The following NSRP1 variants were observed in gnomAD, a reference collection of about 807,000 sequenced individuals.
NSRP1 encodes the protein coiled-coil domain containing 55.
A neutral mutation model predicts 54.7 loss-of-function variants in NSRP1; 24 were observed. The ratio of observed to expected loss-of-function variants is 0.44; its 90% CI spans 0.32 to 0.62. The LOEUF (loss-of-function observed/expected upper bound fraction) is 0.62. NSRP1 is among the 20% of genes least tolerant of loss of function. The pLI, the probability that NSRP1 is intolerant of heterozygous loss-of-function variation, is 0.06. For missense variants in NSRP1, 596 were observed against 651.2 expected (o/e 0.92, Z 0.92); for synonymous variants, 210 against 213.8 (o/e 0.98, Z 0.15).
At chr17:30,181,405 T>C (rs531922362) in intron 6 of NSRP1, among the ~76,000 whole-genome samples, 144 of 149,048 alleles carry the variant, frequency 9.7e-4, no homozygotes, top group African/African-American at 3.4e-3. Context: ...TTTCTTTTTT[T>C]TTTTTTTTTT....
At chr17:30,144,955 G>A (rs938450037) in intron 2 of NSRP1, among the ~76,000 whole-genome samples, 2 of 152,060 alleles carry the variant, frequency 1.3e-5, no homozygotes, top group Non-Finnish European at 2.9e-5. Context: ...GTGCTACCTG[G>A]ATATCTGTGT....
chr17:30,162,276 C>T (rs1003227344), intron 2 of NSRP1, among the ~76,000 whole-genome samples: 4 of 152,284 alleles, frequency 2.6e-5, no homozygotes, highest in Admixed American at 1.3e-4. Context: ...ATGATCCACC[C>T]GCCTTGGCCT....
chr17:30,161,972 T>G (rs1054737293), intron 2 of NSRP1, among the ~76,000 whole-genome samples: 1 of 152,132 alleles, frequency 6.6e-6, no homozygotes, highest in African/African-American at 2.4e-5. Flanking sequence ...TTTAATATAG[T>G]TAAGAGTCAT....
intron 5 of NSRP1, among the ~76,000 whole-genome samples, chr17:30,180,637 G>T (rs1303485990): frequency 6.6e-6 from 1 of 152,084 alleles, no homozygotes; most frequent in Non-Finnish European, 1.5e-5. Flanking sequence ...TCATACTTTA[G>T]GGCTTTTTGT....
chr17:30,169,057 A>T (rs561186549), intron 2 of NSRP1: 4 of 152,008 alleles, frequency 2.6e-5, no homozygotes, highest in African/African-American at 9.7e-5. Flanking sequence ...TGTTTTTTCA[A>T]CGGTCATACT....
At chr17:30,173,682 A>G (rs777606762) in intron 3 of NSRP1, among the ~76,000 whole-genome samples, 7 of 152,232 alleles carry the variant, frequency 4.6e-5, no homozygotes, top group African/African-American at 7.2e-5. Flanking sequence ...AATTCTTACA[A>G]TAATTCTATG....
At chr17:30,119,661 C>T (rs906227041) in intron 2 of NSRP1, among the ~76,000 whole-genome samples, 1 of 152,156 alleles carries the variant, frequency 6.6e-6, no homozygotes, top group Non-Finnish European at 1.5e-5. Context: ...CACCACCACG[C>T]CTGGCTAATT....
intron 3 of NSRP1, 172 bp from the exon 4 acceptor site, chr17:30,177,899 C>A: frequency 1.3e-6 from 1 of 745,222 alleles, no homozygotes; most frequent in Non-Finnish European, 2.3e-6. Flanking sequence ...GTAGAGCCAG[C>A]ATTCATACCC....
chr17:30,153,547 C>T (rs1478262295), intron 2 of NSRP1, among the ~76,000 whole-genome samples: 2 of 152,162 alleles, frequency 1.3e-5, no homozygotes, highest in African/African-American at 4.8e-5. Context: ...TCCCTCTCTT[C>T]CACCTGCTGC....
intron 2 of NSRP1, among the ~76,000 whole-genome samples, chr17:30,169,814 A>C (rs1017485199): frequency 2.0e-5 from 3 of 151,882 alleles, no homozygotes; most frequent in Admixed American, 2.0e-4. Flanking sequence ...GTCTGTGGTC[A>C]TAGAGAACTA....
chr17:30,140,023 CA>C (rs1328204198), intron 2 of NSRP1, among the ~76,000 whole-genome samples: 1 of 150,048 alleles, frequency 6.7e-6, no homozygotes, highest in Admixed American at 6.6e-5. Context: ...GACTCCGTCT[CA>C]AAAAAAAAGA....
At chr17:30,140,598 G>A (rs1360581519) in intron 2 of NSRP1, among the ~76,000 whole-genome samples, 2 of 140,380 alleles carry the variant, frequency 1.4e-5, no homozygotes, top group African/African-American at 2.8e-5. Flanking sequence ...GCGTGATCTC[G>A]GCTCACTGCA....
chr17:30,166,668 A>T (rs1345254928), intron 2 of NSRP1, among the ~76,000 whole-genome samples: 1 of 152,188 alleles, frequency 6.6e-6, no homozygotes, highest in East Asian at 1.9e-4. Context: ...CATGCCTATA[A>T]TCCTAGCACT....
chr17:30,156,761 TGCCTGCCTCG>T (rs1221648984), intron 2 of NSRP1: 1 of 152,320 alleles, frequency 6.6e-6, no homozygotes, highest in Non-Finnish European at 1.5e-5. Context: ...TCACGTGATC[TGCCTGCCTCG>T]GCCTCCCAAA....
At chr17:30,162,676 C>T (rs1904563163) in intron 2 of NSRP1, among the ~76,000 whole-genome samples, 2 of 151,970 alleles carry the variant, frequency 1.3e-5, no homozygotes, top group Admixed American at 6.6e-5. Context: ...CTCATATGTC[C>T]CATTGTGCTT....
At chr17:30,127,852 G>A in intron 2 of NSRP1, 1 of 394,986 alleles carries the variant, frequency 2.5e-6, no homozygotes, top group East Asian at 3.6e-5. Context: ...TTCATTTTTT[G>A]AGACAGGATC....
chr17:30,137,400 A>G (rs913058816), intron 2 of NSRP1, among the ~76,000 whole-genome samples: 36 of 152,198 alleles, frequency 2.4e-4, no homozygotes, highest in African/African-American at 8.7e-4. Flanking sequence ...GAAGTGATGT[A>G]TGCTGTATCT....
At chr17:30,183,467 G>A (rs1047452932) in intron 6 of NSRP1, among the ~76,000 whole-genome samples, 1 of 152,282 alleles carries the variant, frequency 6.6e-6, no homozygotes. Context: ...GTTTCATCTG[G>A]AATATTTATT....
At chr17:30,160,606 T>C (rs1451243157) in intron 2 of NSRP1, among the ~76,000 whole-genome samples, 4 of 152,258 alleles carry the variant, frequency 2.6e-5, no homozygotes, top group Non-Finnish European at 5.9e-5. Flanking sequence ...TAGTATCTGA[T>C]GATCTTTTGT....
Sources: allele counts gnomAD v4.1 joint callset (sites outside exome capture counted in the v4.1 genomes callset), GRCh38; gene constraint gnomAD v4.1.1; transcripts MANE v1.5; gene names NCBI Gene and HGNC (gene_info 2026-07-23, HGNC 2026-07-21).